The following TBL1X variants were observed in gnomAD, a reference collection of about 807,000 sequenced individuals.
The protein encoded by TBL1X is F-box-like/WD repeat-containing protein TBL1X.
TBL1X carries 10 observed loss-of-function variants against 50.7 expected under a neutral mutation model. The observed-to-expected ratio is 0.20, with a 90% CI of 0.12 to 0.33. The LOEUF is 0.33. TBL1X is among the 10% of genes least tolerant of loss of function. The pLI, the probability that TBL1X is intolerant of heterozygous loss-of-function variation, is 1.00. For synonymous variants in TBL1X, 190 were observed against 214.7 expected (o/e 0.88, Z 1.01); for missense variants, 340 against 504.4 (o/e 0.67, Z 3.12).
chrX:9,639,606 G>A (rs1411414864), intron 2 of TBL1X, among the ~76,000 whole-genome samples: 3 of 112,350 alleles, frequency 2.7e-5, no homozygotes, highest in Non-Finnish European at 5.6e-5. Flanking sequence ...CAGTGCAAAT[G>A]GAACACTTGT....
rs558723781 is a variant in TBL1X, at chrX:9,613,968, A to G, written c.-130-26305A>G. Among the ~76,000 whole-genome samples, 31 of 93,193 alleles carry G rather than the reference A, an allele frequency of 3.3e-4. No homozygotes were observed. The South Asian group carries it at 0.018, about 53-fold the overall frequency. 80.9% of individuals were successfully genotyped at this position (93,193 alleles called of 115,157 possible). A position where few individuals can be genotyped will look rare whatever the true frequency, so the allele number is the denominator to read the frequency against. On this transcript the variant is annotated intron_variant, in intron 2 of 17. Coordinates refer to ENST00000645353, the MANE Select transcript of TBL1X (RefSeq NM_005647.4). ...GCCACTGCACTCCAGCCTGGGCGAC[A>G]GAGTGAGACTCCATCTCAAAAAAAA...
chrX:9,475,240 A>G, intron 1 of TBL1X, among the ~76,000 whole-genome samples: 1 of 109,588 alleles, frequency 9.1e-6, no homozygotes, highest in Non-Finnish European at 1.9e-5. Flanking sequence ...TGCATTTCTC[A>G]TTGGTGTTTT....
chrX:9,706,319 A>C (rs1381519999), intron 13 of TBL1X, among the ~76,000 whole-genome samples: 1 of 111,420 alleles, frequency 9.0e-6, no homozygotes, highest in Non-Finnish European at 1.9e-5. Context: ...AATATCAGAG[A>C]CCCTAAACCT....
intron 2 of TBL1X, among the ~76,000 whole-genome samples, chrX:9,548,179 A>G (rs986378952): frequency 6.3e-5 from 7 of 110,531 alleles, no homozygotes; most frequent in Non-Finnish European, 1.3e-4. Flanking sequence ...TGATAATGTA[A>G]GTTAAATTAT....
In TBL1X at chrX:9,495,413, CAG is replaced by C. The variant is rs770413837; in HGVS notation, c.-200-6363_-200-6362del. Among the ~76,000 whole-genome samples the C allele has an allele frequency of 5.4e-5, 6 of 110,270 alleles. No individual in the cohort carries two copies. In the East Asian group the frequency reaches 1.4e-3, roughly 26 times the overall value. On this transcript the variant is annotated intron_variant, in intron 1 of 17. Coordinates refer to ENST00000645353, the MANE Select transcript of TBL1X (RefSeq NM_005647.4). ...TCGGTTTCTTTTTTTTTAGGTCCGA[CAG>C]AGATTCCTGGGATAGCTGCATCTTC...
At chrX:9,640,463 G>A (rs1192287524) in intron 3 of TBL1X, 103 bp downstream of exon 3, 1 of 111,995 alleles carries the variant, frequency 8.9e-6, no homozygotes, top group Non-Finnish European at 1.9e-5. Flanking sequence ...TGTTTTAAAT[G>A]ATGTTGTCAG....
intron 2 of TBL1X, among the ~76,000 whole-genome samples, chrX:9,601,660 C>T (rs1009741389): frequency 9.0e-6 from 1 of 111,699 alleles, no homozygotes; most frequent in Non-Finnish European, 1.9e-5. Flanking sequence ...GATGCCAGAT[C>T]CCAGGTGGGC....
At chrX:9,664,098 G>A (rs1330446642) in intron 5 of TBL1X, among the ~76,000 whole-genome samples, 1 of 112,222 alleles carries the variant, frequency 8.9e-6, no homozygotes, top group Admixed American at 9.4e-5. Context: ...CTACTTAGTG[G>A]TGTTGATCCT....
At chrX:9,511,860 A>G (rs989494132) in intron 2 of TBL1X, among the ~76,000 whole-genome samples, 2 of 111,702 alleles carry the variant, frequency 1.8e-5, no homozygotes, top group African/African-American at 3.3e-5. Flanking sequence ...CTTAACATTT[A>G]TCTGTTTTTT....
intron 5 of TBL1X, among the ~76,000 whole-genome samples, chrX:9,676,358 T>C (rs1022848773): frequency 4.5e-5 from 5 of 112,132 alleles, no homozygotes; most frequent in Non-Finnish European, 9.4e-5. Flanking sequence ...CTCGTTGTCC[T>C]AGCCCGCCAT....
chrX:9,623,504 T>G (rs990455303), intron 2 of TBL1X, among the ~76,000 whole-genome samples: 1 of 110,905 alleles, frequency 9.0e-6, no homozygotes, highest in Non-Finnish European at 1.9e-5. Flanking sequence ...CTAGGCATCA[T>G]GGAGAAACCC....
intron 2 of TBL1X, among the ~76,000 whole-genome samples, chrX:9,547,265 G>C (rs890143000): frequency 9.0e-6 from 1 of 111,279 alleles, no homozygotes; most frequent in African/African-American, 3.3e-5. Flanking sequence ...GATGGGGCCT[G>C]GGTTCTTTTG....
intron 3 of TBL1X, chrX:9,645,240 G>T (rs1287267601): frequency 9.0e-6 from 1 of 111,683 alleles, no homozygotes; most frequent in East Asian, 2.8e-4. Flanking sequence ...GAATACAGGG[G>T]CATGCCTCCA....
intron 2 of TBL1X, among the ~76,000 whole-genome samples, chrX:9,528,509 G>A (rs2082143635): frequency 9.1e-6 from 1 of 110,177 alleles, no homozygotes; most frequent in Non-Finnish European, 1.9e-5. Context: ...GATGAAGAGG[G>A]ACAGTTCAGT....
intron 5 of TBL1X, among the ~76,000 whole-genome samples, chrX:9,659,674 A>G (rs2082885913): frequency 8.9e-6 from 1 of 112,022 alleles, no homozygotes; most frequent in African/African-American, 3.2e-5. Flanking sequence ...GTTTCACTTT[A>G]CCAGAAACCA....
At chrX:9,626,519 C>T (rs771373178) in intron 2 of TBL1X, among the ~76,000 whole-genome samples, 21 of 112,007 alleles carry the variant, frequency 1.9e-4, no homozygotes, top group Non-Finnish European at 3.9e-4. Context: ...AGTACCTGCC[C>T]GCCCCACAGG....
intron 2 of TBL1X, among the ~76,000 whole-genome samples, chrX:9,520,426 T>A (rs1302631041): frequency 9.0e-6 from 1 of 111,144 alleles, no homozygotes; most frequent in Non-Finnish European, 1.9e-5. Context: ...AGAGATGGCC[T>A]GGGGCTAGAG....
At chrX:9,709,101 T>A (rs1025499333) in intron 13 of TBL1X, 147 bp from the exon 14 acceptor site, 1 of 500,241 alleles carries the variant, frequency 2.0e-6, no homozygotes, top group Admixed American at 4.0e-5. Flanking sequence ...GGAAACTAGA[T>A]GGCTGGTTGG....
intron 10 of TBL1X, 47 bp downstream of exon 10, chrX:9,693,259 G>A (rs375739572): frequency 3.3e-6 from 4 of 1,207,038 alleles, no homozygotes; most frequent in Admixed American, 2.2e-5. Flanking sequence ...AGGAGCTGCC[G>A]AACTTAACCC....
Sources: gnomAD v4.1 joint callset for allele counts (sites outside exome capture counted in the v4.1 genomes callset) on GRCh38, gnomAD v4.1.1 for gene constraint, MANE v1.5 for transcripts, NCBI Gene and HGNC (gene_info 2026-07-23, HGNC 2026-07-21) for gene names.